Variants in MICAL3 observed in about 807,000 individuals in gnomAD.
MICAL3 encodes microtubule associated monooxygenase, calponin and LIM domain containing 3, also known as [F-actin]-monooxygenase MICAL3.
In MICAL3, 62 loss-of-function variants were observed where a neutral mutation model predicts 207.4. The observed-to-expected ratio is 0.30, with a 90% confidence interval of 0.24 to 0.37. The LOEUF is 0.37. MICAL3 is among the 10% of genes least tolerant of loss of function. The pLI, the probability that MICAL3 is intolerant of heterozygous loss-of-function variation, is 1.00. For missense variants in MICAL3, 2,368 were observed against 2,635.6 expected, an observed-to-expected ratio of 0.90 and a Z score of 2.22; for synonymous variants, 1,077 against 1,069.3, an observed-to-expected ratio of 1.01 and a Z score of -0.14.
At chr22:17,911,315 G>C (rs1932125681) in intron 1 of MICAL3, among the ~76,000 whole-genome samples, 1 of 150,346 alleles carries the variant, frequency 6.7e-6, no homozygotes, top group Admixed American at 6.7e-5. Flanking sequence ...GAGTAGAAAG[G>C]AGAATCATGT....
At chr22:17,925,030 G>A (rs1932884644) in intron 1 of MICAL3, among the ~76,000 whole-genome samples, 1 of 152,118 alleles carries the variant, frequency 6.6e-6, no homozygotes, top group African/African-American at 2.4e-5. Context: ...AAAGAGTCCT[G>A]GGATCCGAAT....
chr22:17,880,678 G>A (rs544255444), intron 16 of MICAL3, among the ~76,000 whole-genome samples: 1 of 152,348 alleles, frequency 6.6e-6, no homozygotes, highest in South Asian at 2.1e-4. Flanking sequence ...CACAGCTGTG[G>A]CTGGCTATGG....
At position 17,902,981 on chromosome 22, in the gene MICAL3, C is replaced by T. The variant is rs116351390; in HGVS notation, c.473-234G>A. Among the ~76,000 whole-genome samples the T allele has an allele frequency of 0.01, 1,552 of 152,316 alleles. 26 individuals carry two copies. Among genetic ancestry groups the T allele is most frequent in the African/African-American group, 0.033 (1,392 of 41,560 alleles). On this transcript the variant is annotated intron_variant, in intron 3 of 31. Coordinates refer to ENST00000441493, the MANE Select transcript of MICAL3 (RefSeq NM_015241.3). The surrounding 1 kb of genome is among the most constrained non-coding windows in gnomAD (Gnocchi z 4.5). ...CAACACACAGGACACTCCCACGTCT[C>T]GGGTTCAGTGTTTTAAACAATCAAA...
At chr22:17,925,451 A>T (rs1932896837) in intron 1 of MICAL3, among the ~76,000 whole-genome samples, 1 of 152,202 alleles carries the variant, frequency 6.6e-6, no homozygotes, top group African/African-American at 2.4e-5. Context: ...CCTGGAGGGG[A>T]TATTTAATAT....
At chr22:17,908,384 TGCAA>T (rs1341519838) in intron 1 of MICAL3, among the ~76,000 whole-genome samples, 3 of 152,146 alleles carry the variant, frequency 2.0e-5, no homozygotes. Context: ...CTCTGCTCAC[TGCAA>T]GCTCCACCTC....
At chr22:18,010,685 C>T (rs979727057) in intron 1 of MICAL3, among the ~76,000 whole-genome samples, 1 of 152,070 alleles carries the variant, frequency 6.6e-6, no homozygotes. Flanking sequence ...CCACCTTGAG[C>T]CAGAGATTTT....
chr22:17,884,431 GGA>G, intron 16 of MICAL3: 1 of 1,153,658 alleles, frequency 8.7e-7, no homozygotes, highest in Non-Finnish European at 1.2e-6. Context: ...CATTAAGGTG[GGA>G]GAAGAACAGA....
In MICAL3 at chr22:17,861,633, T is replaced by C. The variant is rs148875395; in HGVS notation, c.2605+3266A>G. 4 of 985,452 alleles carry C rather than the reference T, an allele frequency of 4.1e-6. No homozygotes were observed. The African/African-American group carries it at 7.0e-5, about 17-fold the overall frequency. 61.0% of individuals were successfully genotyped at this position (985,452 alleles called of 1,614,324 possible). On this transcript the variant is annotated intron_variant, in intron 19 of 31. Coordinates refer to ENST00000441493, the MANE Select transcript of MICAL3 (RefSeq NM_015241.3). The stretch of plus-strand genomic sequence containing the variant: ...GGGATTTCCTTTCTCTGCCTATTGT[T>C]CAAGCTTTTTCTAAAGTCATGGTGG...
chr22:17,791,877 C>G (rs2061827980), intron 29 of MICAL3, among the ~76,000 whole-genome samples: 1 of 152,254 alleles, frequency 6.6e-6, no homozygotes, highest in Non-Finnish European at 1.5e-5. Flanking sequence ...TCCGGATGCT[C>G]TCCCGCTGGA....
At chr22:17,858,575 AT>A in intron 19 of MICAL3, 2 of 518,552 alleles carry the variant, frequency 3.9e-6, no homozygotes, top group Non-Finnish European at 2.5e-6. Flanking sequence ...ATCCTGCCCT[AT>A]TTTTTAGCAT....
intron 16 of MICAL3, among the ~76,000 whole-genome samples, chr22:17,877,559 GGAGGTTAGGGAGGTTAGGGAAGTTAT>G: frequency 9.8e-6 from 1 of 101,722 alleles, no homozygotes; most frequent in African/African-American, 3.2e-5. Context: ...GGGAGGTTAT[GGAGGTTAGGGAGGTTAGGGAAGTTAT>G]GGAGGTTAGG....
intron 19 of MICAL3, among the ~76,000 whole-genome samples, chr22:17,857,220 A>C (rs999203184): frequency 6.6e-5 from 10 of 152,130 alleles, no homozygotes; most frequent in African/African-American, 2.4e-4. Context: ...GCATAGCAGG[A>C]GGGGAGTGGC....
chr22:17,895,306 A>G lies in MICAL3; in HGVS notation c.1427T>C (p.Val476Ala). ...DPVTRYPNINVNFLRPSQVRH... is the reference protein window; with the variant it reads ...DPVTRYPNINANFLRPSQVRH... ...TACCTGGCTTGGCCGGAGGAAGTTG[A>G]CGTTGATATTGGGATACCGAGTGAC... Residue 476 changes from valine (V) to alanine (A), a missense_variant, in exon 10 of 32, where the codon GTC becomes GCC. Physicochemically the swap from Val to Ala is moderately conservative, Grantham distance 64 (BLOSUM62 0). Transcript: ENST00000441493. 3.7e-6 allele frequency: 6 copies of G among 1,613,806 alleles called. No homozygotes were observed. Among genetic ancestry groups the G allele is most frequent in the Non-Finnish European group, 4.2e-6 (5 of 1,179,796 alleles).
chr22:17,802,345 G>A (rs1241484240), intron 29 of MICAL3, among the ~76,000 whole-genome samples: 2 of 152,218 alleles, frequency 1.3e-5, no homozygotes, highest in Non-Finnish European at 2.9e-5. Flanking sequence ...GATAACAGGT[G>A]TGAATTTTTT....
intron 19 of MICAL3, among the ~76,000 whole-genome samples, chr22:17,844,206 G>C (rs1924392976): frequency 6.6e-6 from 1 of 152,180 alleles, no homozygotes; most frequent in Non-Finnish European, 1.5e-5. Context: ...AGCAGGTCAT[G>C]ACTGGGCTGG....
intron 7 of MICAL3, among the ~76,000 whole-genome samples, chr22:17,898,336 T>C (rs561918871): frequency 2.0e-5 from 3 of 152,366 alleles, no homozygotes; most frequent in Admixed American, 6.5e-5. Flanking sequence ...TCTAACCAGA[T>C]ACGTCTTGCT....
intron 1 of MICAL3, among the ~76,000 whole-genome samples, chr22:18,008,667 G>C (rs948657052): frequency 2.6e-5 from 4 of 152,174 alleles, no homozygotes; most frequent in Non-Finnish European, 4.4e-5. Context: ...ATCATTCTAG[G>C]TTCTGGGGTT....
chr22:17,971,550 T>A (rs143131655), intron 1 of MICAL3, among the ~76,000 whole-genome samples: 1,918 of 151,608 alleles, frequency 0.013, 36 homozygotes, highest in African/African-American at 0.045. Flanking sequence ...CATCTAGCAT[T>A]CATCTAGCAT....
At chr22:18,012,616 C>T (rs1395565117) in intron 1 of MICAL3, among the ~76,000 whole-genome samples, 1 of 152,270 alleles carries the variant, frequency 6.6e-6, no homozygotes, top group African/African-American at 2.4e-5. Flanking sequence ...CAGCCAGTCT[C>T]CTCCTGCAGG....
Sources: gnomAD v4.1 joint callset for allele counts (sites outside exome capture counted in the v4.1 genomes callset) on GRCh38, gnomAD v4.1.1 for gene constraint, Gnocchi (gnomAD v3.1) non-coding constraint, MANE v1.5 for transcripts, NCBI Gene and HGNC (gene_info 2026-07-23, HGNC 2026-07-21) for gene names.